RBFOX1: variants seen among roughly 807,000 people sequenced by gnomAD.
RBFOX1 encodes RNA binding protein fox-1 homolog 1.
A neutral mutation model predicts 57.7 loss-of-function variants in RBFOX1; 8 were observed. The observed-to-expected ratio is 0.14, with a 90% CI of 0.08 to 0.25. RBFOX1 has a LOEUF of 0.25. Among genes scored for constraint, RBFOX1 ranks in the 10% least tolerant of loss-of-function variants. The probability of loss-of-function intolerance (pLI) is 1.00; values close to 1 mark genes in which losing one functional copy is unlikely to be tolerated. For missense variants in RBFOX1, 611 were observed against 548.5 expected (o/e 1.11, Z -1.14); for synonymous variants, 326 against 222.4 (o/e 1.47, Z -4.15).
chr16:7,158,810 T>G (rs143856329), intron 4 of RBFOX1, among the ~76,000 whole-genome samples: 3 of 152,048 alleles, frequency 2.0e-5, no homozygotes, highest in African/African-American at 7.2e-5. Context: ...GTGTGGTGTT[T>G]GTGTCTCTAG....
chr16:6,293,530 C>G (rs1359355080), intron 1 of RBFOX1, among the ~76,000 whole-genome samples: 1 of 152,198 alleles, frequency 6.6e-6, no homozygotes. Flanking sequence ...AAACCATTTT[C>G]TCCCTTCAGG....
At chr16:6,101,508 C>A (rs2096307997) in intron 1 of RBFOX1, among the ~76,000 whole-genome samples, 1 of 151,918 alleles carries the variant, frequency 6.6e-6, no homozygotes, top group Non-Finnish European at 1.5e-5. Context: ...TTTTTTGAGA[C>A]AGAGTTTCGC....
rs1375849917 is a variant in RBFOX1, at chr16:6,098,174, C to G, written c.-127+78182C>G. On this transcript the variant is annotated intron_variant, in intron 1 of 15. Transcript: ENST00000550418. The stretch of plus-strand genomic sequence containing the variant: ...GTTCTACACACTTTGCAAACTTTAC[C>G]TCATTAATCTTCCCCACCCTGGGAG... 1.4e-4 allele frequency among the ~76,000 whole-genome samples: 21 copies of G among 152,298 alleles called. No homozygotes were observed. The East Asian group carries it at 3.9e-3, about 28-fold the overall frequency.
intron 3 of RBFOX1, among the ~76,000 whole-genome samples, chr16:6,787,782 T>G (rs926103578): frequency 6.6e-6 from 1 of 152,234 alleles, no homozygotes; most frequent in Non-Finnish European, 1.5e-5. Flanking sequence ...TGTAAAGGAC[T>G]TAGTCTTCCT....
rs1200688333 is a variant in RBFOX1 at position 6,557,060 on chromosome 16, TATACATAC to T, written c.-63-97539_-63-97532del. The stretch of plus-strand genomic sequence containing the variant: ...ACATATATATACATATATATACATA[TATACATAC>T]ATATATACATATATACATACATATA... On this transcript the variant is annotated intron_variant, in intron 2 of 15. Coordinates refer to ENST00000550418, the MANE Select transcript of RBFOX1 (RefSeq NM_018723.4). 2.4e-4 allele frequency among the ~76,000 whole-genome samples: 35 copies of T among 144,870 alleles called. No individual in the cohort carries two copies. In the South Asian group the frequency reaches 4.9e-3, roughly 20 times the overall value.
chr16:5,488,923 CT>C (rs1467702734), intron 2 of RBFOX1, among the ~76,000 whole-genome samples: 5 of 152,186 alleles, frequency 3.3e-5, no homozygotes, highest in Non-Finnish European at 7.3e-5. Context: ...AACTTGAGTG[CT>C]GACTTACATG....
chr16:6,128,639 A>G (rs1349338470), intron 1 of RBFOX1, among the ~76,000 whole-genome samples: 3 of 152,176 alleles, frequency 2.0e-5, no homozygotes, highest in Non-Finnish European at 4.4e-5. Context: ...AGGTGCCACA[A>G]AAGAGGAATA....
intron 1 of RBFOX1, among the ~76,000 whole-genome samples, chr16:5,325,066 CTTAAAAG>C (rs2151259439): frequency 6.6e-6 from 1 of 152,264 alleles, no homozygotes; most frequent in East Asian, 1.9e-4. Context: ...AGCCGCTAAA[CTTAAAAG>C]TTAAAAAAAG....
chr16:6,907,227 A>G (rs144915761), intron 3 of RBFOX1, among the ~76,000 whole-genome samples: 3 of 152,086 alleles, frequency 2.0e-5, no homozygotes, highest in Non-Finnish European at 4.4e-5. Context: ...TAAATATCCT[A>G]CAGTGCGCAG....
At chr16:7,634,056 A>T (rs1288386985) in intron 11 of RBFOX1, among the ~76,000 whole-genome samples, 3 of 152,104 alleles carry the variant, frequency 2.0e-5, no homozygotes, top group Admixed American at 2.0e-4. Context: ...TTCTCCCAAC[A>T]GTTTCGATTT....
intron 2 of RBFOX1, among the ~76,000 whole-genome samples, chr16:6,558,506 A>C (rs553256838): frequency 6.6e-6 from 1 of 152,146 alleles, no homozygotes; most frequent in Non-Finnish European, 1.5e-5. Flanking sequence ...CGTTGGAAGG[A>C]CATTGGAAAA....
At chr16:5,783,627 T>C (rs1164032425) in intron 3 of RBFOX1, among the ~76,000 whole-genome samples, 1 of 152,192 alleles carries the variant, frequency 6.6e-6, no homozygotes, top group Non-Finnish European at 1.5e-5. Flanking sequence ...ACACACCATT[T>C]CCCCTGCTTT....
At chr16:6,331,497 G>A (rs1001065936) in intron 2 of RBFOX1, among the ~76,000 whole-genome samples, 1 of 150,940 alleles carries the variant, frequency 6.6e-6, no homozygotes, top group Non-Finnish European at 1.5e-5. Context: ...TTGTGGGAAT[G>A]GATATAAATG....
At position 5,894,845 on chromosome 16, in the gene RBFOX1, C is replaced by G. The variant is rs192833777; in HGVS notation, c.351+27510C>G. Among the ~76,000 whole-genome samples, 533 of 152,002 alleles carry G rather than the reference C, an allele frequency of 3.5e-3. 3 individuals carry two copies. Among genetic ancestry groups the G allele is most frequent in the Non-Finnish European group, 4.3e-3 (294 of 67,994 alleles). ...GACCATCTTGGCTAACACGGTGAAA[C>G]CCCGTCTCTACTAAAAATACAAAAA... On this transcript the variant is annotated intron_variant, in intron 4 of 19. Transcript: ENST00000641259.
intron 4 of RBFOX1, among the ~76,000 whole-genome samples, chr16:5,920,352 T>C (rs1171107624): frequency 6.6e-6 from 1 of 152,214 alleles, no homozygotes; most frequent in East Asian, 1.9e-4. Context: ...TATTCACTCA[T>C]CGGTGGCTAT....
chr16:5,873,713 A>T (rs138482798), intron 4 of RBFOX1, among the ~76,000 whole-genome samples: 58 of 152,320 alleles, frequency 3.8e-4, no homozygotes, highest in African/African-American at 1.3e-3. Context: ...ATGAGGACTG[A>T]TGTTGTCAAT....
intron 2 of RBFOX1, among the ~76,000 whole-genome samples, chr16:5,564,494 T>A (rs543823892): frequency 6.6e-6 from 1 of 152,326 alleles, no homozygotes; most frequent in African/African-American, 2.4e-5. Flanking sequence ...GAAACCCTCC[T>A]GACATAGAAC....
rs2058107428 is a variant in RBFOX1 at position 5,894,230 on chromosome 16, A to C, written c.351+26895A>C. Among the ~76,000 whole-genome samples the C allele has an allele frequency of 2.0e-5, 3 of 152,204 alleles. No individual in the cohort carries two copies. The South Asian group carries it at 6.2e-4, about 31-fold the overall frequency. ...GTGTTTTACTTTACTTATTTTTTAAATTGAGGTGGACTCGTAGAATCAAAC... is the reference window on the plus strand; with the variant it reads ...GTGTTTTACTTTACTTATTTTTTAACTTGAGGTGGACTCGTAGAATCAAAC... On this transcript the variant is annotated intron_variant, in intron 4 of 19. Coordinates refer to the RBFOX1 transcript ENST00000641259.
chr16:7,380,943 A>G (rs979049128), intron 4 of RBFOX1, among the ~76,000 whole-genome samples: 1 of 152,220 alleles, frequency 6.6e-6, no homozygotes, highest in East Asian at 1.9e-4. Flanking sequence ...GAGAGAAAGA[A>G]CAGTATTTTG....
Sources: allele counts gnomAD v4.1 joint callset (sites outside exome capture counted in the v4.1 genomes callset), GRCh38; gene constraint gnomAD v4.1.1; transcripts MANE v1.5; gene names NCBI Gene and HGNC (gene_info 2026-07-23, HGNC 2026-07-21).